Variants in RBFOX1 observed in about 807,000 individuals in gnomAD.
RBFOX1 encodes RNA binding protein fox-1 homolog 1.
A neutral mutation model predicts 57.7 loss-of-function variants in RBFOX1; 8 were observed. The ratio of observed to expected loss-of-function variants is 0.14; its 90% CI spans 0.08 to 0.25. The LOEUF is 0.25. Among genes scored for constraint, RBFOX1 ranks in the 10% least tolerant of loss-of-function variants. The probability of loss-of-function intolerance (pLI) is 1.00; values close to 1 mark genes in which losing one functional copy is unlikely to be tolerated. For missense variants in RBFOX1, 611 were observed against 548.5 expected (o/e 1.11, Z -1.14); for synonymous variants, 326 against 222.4 (o/e 1.47, Z -4.15).
Position 5,668,295 on chromosome 16 carries a change from C to T in RBFOX1, c.318+69334C>T, listed in dbSNP as rs192758120. Among the ~76,000 whole-genome samples the T allele has an allele frequency of 1.3e-3, 199 of 152,170 alleles. 1 individual carries two copies. Among genetic ancestry groups the T allele is most frequent in the African/African-American group, 4.4e-3 (184 of 41,524 alleles). ...GACTCCATCTCAAAAACAACAAAAACACCAATTTAAAAAAAAAGAATTGCT... is the reference window on the plus strand; with the variant it reads ...GACTCCATCTCAAAAACAACAAAAATACCAATTTAAAAAAAAAGAATTGCT... On this transcript the variant is annotated intron_variant, in intron 3 of 19. Coordinates refer to the RBFOX1 transcript ENST00000641259.
intron 2 of RBFOX1, among the ~76,000 whole-genome samples, chr16:6,558,452 G>A (rs1178061760): frequency 2.6e-5 from 4 of 152,066 alleles, no homozygotes; most frequent in African/African-American, 9.7e-5. Flanking sequence ...TTCCTGACAG[G>A]AAATGGGAAG....
At chr16:7,153,740 AAT>A (rs1555514589) in intron 4 of RBFOX1, among the ~76,000 whole-genome samples, 1 of 150,942 alleles carries the variant, frequency 6.6e-6, no homozygotes, top group African/African-American at 2.4e-5. Flanking sequence ...AAAAAAAAAA[AAT>A]AAGGAAAGAA....
intron 1 of RBFOX1, among the ~76,000 whole-genome samples, chr16:5,309,005 C>G (rs1274383612): frequency 6.6e-6 from 1 of 152,086 alleles, no homozygotes; most frequent in Non-Finnish European, 1.5e-5. Flanking sequence ...CTTGGCTGAT[C>G]CCTTTCCTTT....
chr16:5,732,509 G>A (rs1011400369), intron 3 of RBFOX1, among the ~76,000 whole-genome samples: 1 of 152,150 alleles, frequency 6.6e-6, no homozygotes, highest in Non-Finnish European at 1.5e-5. Context: ...AATGAGAGAT[G>A]GCTGCAAGAC....
In RBFOX1 at chr16:5,240,043, A is replaced by T; in HGVS notation, c.157A>T (p.Lys53Ter). 1 of 1,388,358 alleles carries T rather than the reference A, an allele frequency of 7.2e-7. No homozygotes were observed. 86.0% of individuals were successfully genotyped at this position (1,388,358 alleles called of 1,614,324 possible). Reference sequence around the variant, plus strand: ...ACAGCCCGAGGACTGCGAGGACGGGAAGGACGCGCCGCGGCCGGGCAGGGA... The same window carrying T: ...ACAGCCCGAGGACTGCGAGGACGGGTAGGACGCGCCGCGGCCGGGCAGGGA... Residue 53 changes from lysine (K) to a stop codon, truncating the protein, a stop_gained, in exon 1 of 3, where the codon AAG (lysine) becomes TAG (stop). Coordinates refer to the RBFOX1 transcript ENST00000585867. LOFTEE classifies it high-confidence loss of function.
chr16:6,586,787 C>T (rs1207003163), intron 2 of RBFOX1, among the ~76,000 whole-genome samples: 1 of 152,106 alleles, frequency 6.6e-6, no homozygotes, highest in Non-Finnish European at 1.5e-5. Flanking sequence ...GCTTACCCAT[C>T]CTAAGAAGCA....
intron 5 of RBFOX1, among the ~76,000 whole-genome samples, chr16:7,534,313 G>T (rs1160278632): frequency 1.3e-5 from 2 of 151,372 alleles, no homozygotes; most frequent in African/African-American, 4.9e-5. Flanking sequence ...GGCTGGTCTC[G>T]AACTCCTGGC....
At chr16:7,118,491 G>C (rs892241421) in intron 4 of RBFOX1, among the ~76,000 whole-genome samples, 4 of 152,116 alleles carry the variant, frequency 2.6e-5, no homozygotes, top group African/African-American at 9.7e-5. Flanking sequence ...ATGCAATTCA[G>C]TTGACAGGTA....
chr16:7,634,536 A>G (rs1170449572), intron 11 of RBFOX1, among the ~76,000 whole-genome samples: 1 of 152,202 alleles, frequency 6.6e-6, no homozygotes, highest in African/African-American at 2.4e-5. Context: ...TACTGAAGTT[A>G]TCTGCTTTTG....
chr16:5,888,791 C>T (rs928585374), intron 4 of RBFOX1, among the ~76,000 whole-genome samples: 8 of 58,480 alleles, frequency 1.4e-4, no homozygotes, highest in East Asian at 5.6e-4. Flanking sequence ...GAGCGAAACT[C>T]AGTCTAAAAA....
chr16:5,882,446 T>G (rs1327732819), intron 4 of RBFOX1, among the ~76,000 whole-genome samples: 1 of 152,218 alleles, frequency 6.6e-6, no homozygotes, highest in African/African-American at 2.4e-5. Context: ...CTCAGTCACT[T>G]GGTCTCATAA....
rs1215392854 is a variant in RBFOX1 at position 7,711,017 on chromosome 16, T to C, written c.*272T>C. The C allele has an allele frequency of 1.8e-5, 6 of 325,048 alleles. No homozygotes were observed. The highest frequency in any genetic ancestry group is 1.6e-5 in the Non-Finnish European group (3 of 183,942). The allele number at this position is 325,048 out of a possible 1,614,324, so 20.1% of individuals were successfully genotyped here. ...GTTGATCTAGACAGATGCTAGATAATGAATAAAAACTGGTTTAGGGCCATA... is the reference window on the plus strand; with the variant it reads ...GTTGATCTAGACAGATGCTAGATAACGAATAAAAACTGGTTTAGGGCCATA... On this transcript the variant is annotated 3_prime_UTR_variant, in exon 16 of 16. Transcript: ENST00000550418.
intron 3 of RBFOX1, among the ~76,000 whole-genome samples, chr16:5,636,458 A>G (rs1231490636): frequency 6.6e-6 from 1 of 152,186 alleles, no homozygotes; most frequent in African/African-American, 2.4e-5. Context: ...AAAGCACTGG[A>G]TGAGAATCTG....
intron 4 of RBFOX1, among the ~76,000 whole-genome samples, chr16:7,133,840 G>A (rs185083225): frequency 3.9e-5 from 6 of 152,094 alleles, no homozygotes; most frequent in South Asian, 2.1e-4. Flanking sequence ...ACTCCAAAAC[G>A]TAATGCCCAT....
chr16:6,476,375 T>C (rs1387947885), intron 2 of RBFOX1, among the ~76,000 whole-genome samples: 2 of 152,184 alleles, frequency 1.3e-5, no homozygotes, highest in African/African-American at 2.4e-5. Context: ...TTGGAGATAC[T>C]GTAGGTTCAG....
At chr16:5,869,371 C>T (rs781314155) in intron 4 of RBFOX1, among the ~76,000 whole-genome samples, 20 of 152,038 alleles carry the variant, frequency 1.3e-4, no homozygotes, top group East Asian at 3.9e-4. Context: ...AACAAGAAAA[C>T]GATCATGTTG....
chr16:6,264,615 T>C (rs536931317), intron 1 of RBFOX1, among the ~76,000 whole-genome samples: 1 of 152,262 alleles, frequency 6.6e-6, no homozygotes, highest in African/African-American at 2.4e-5. Flanking sequence ...TCAGGACCTT[T>C]TGCTCATACT....
chr16:6,206,876 C>T (rs1362051251), intron 1 of RBFOX1, among the ~76,000 whole-genome samples: 1 of 152,040 alleles, frequency 6.6e-6, no homozygotes, highest in Non-Finnish European at 1.5e-5. Context: ...TTTATCTCCC[C>T]TTTTCTGATG....
chr16:6,959,190 C>T (rs919992779), intron 3 of RBFOX1, among the ~76,000 whole-genome samples: 1 of 152,122 alleles, frequency 6.6e-6, no homozygotes, highest in African/African-American at 2.4e-5. Context: ...CTGTGAAATA[C>T]TCGCTCGATT....
Sources: gnomAD v4.1 joint callset for allele counts (sites outside exome capture counted in the v4.1 genomes callset) on GRCh38, gnomAD v4.1.1 for gene constraint, MANE v1.5 for transcripts, NCBI Gene and HGNC (gene_info 2026-07-23, HGNC 2026-07-21) for gene names.